ATAD2B: variants seen among roughly 807,000 people sequenced by gnomAD.
ATAD2B encodes the protein ATPase family AAA domain-containing protein 2B.
In ATAD2B, 40 loss-of-function variants were observed where a neutral mutation model predicts 167.6. The observed-to-expected ratio is 0.24, with a 90% CI of 0.19 to 0.31. The LOEUF is 0.31. ATAD2B is among the 10% of genes least tolerant of loss of function. The pLI, the probability that ATAD2B is intolerant of heterozygous loss-of-function variation, is 1.00. For missense variants in ATAD2B, 1,242 were observed against 1,757.2 expected, an observed-to-expected ratio of 0.71 and a Z score of 5.24; for synonymous variants, 579 against 596.5, an observed-to-expected ratio of 0.97 and a Z score of 0.43.
chr2:23,727,640 T>C, the ATAD2B span, among the ~76,000 whole-genome samples: 2 of 152,098 alleles, frequency 1.3e-5, no homozygotes, highest in Non-Finnish European at 2.9e-5. Context: ...TTATTCACAA[T>C]TGACAAAACT....
intron 20 of ATAD2B, among the ~76,000 whole-genome samples, chr2:23,786,651 G>T (rs563420534): frequency 6.6e-6 from 1 of 152,032 alleles, no homozygotes; most frequent in Non-Finnish European, 1.5e-5. Context: ...ATTATGCAGC[G>T]CATGACTATA....
In ATAD2B at chr2:23,875,829, C is replaced by A; in HGVS notation, c.977G>T (p.Arg326Met). The A allele has an allele frequency of 6.2e-7, 1 of 1,603,424 alleles. No individual in the cohort carries two copies. The highest frequency in any genetic ancestry group is 1.1e-5 in the South Asian group (1 of 89,352). Residue 326 changes from arginine (R) to methionine (M), a missense_variant and splice_region_variant, in exon 8 of 28, where the codon AGG becomes ATG. This residue lies in a region of ATAD2B where 127 missense variants were observed against 146.3 expected (regional missense o/e 0.87). Transcript: ENST00000238789. ...GTTTCCTTTCAAAAACAAACCTTAC[C>A]TAATATGGCTTCTTCTTGCTGGAGA... Reference protein sequence around the residue: ...HRSPARRSHIRRKKHAIHSSD... With the variant: ...HRSPARRSHIMRKKHAIHSSD...
At chr2:23,867,503 T>G (rs1397492478) in intron 10 of ATAD2B, among the ~76,000 whole-genome samples, 1 of 152,210 alleles carries the variant, frequency 6.6e-6, no homozygotes, top group Admixed American at 6.5e-5. Flanking sequence ...ATTCATTAAC[T>G]ATATCATAGC....
At chr2:23,886,411 G>T (rs951129224) in intron 4 of ATAD2B, among the ~76,000 whole-genome samples, 53 of 152,068 alleles carry the variant, frequency 3.5e-4, no homozygotes, top group Non-Finnish European at 5.1e-4. Flanking sequence ...ATGCCTCTAT[G>T]AATAATTATC....
the ATAD2B span, among the ~76,000 whole-genome samples, chr2:23,741,444 A>C: frequency 8.6e-5 from 13 of 152,012 alleles, no homozygotes; most frequent in South Asian, 4.2e-4. Context: ...CAAAAACAAG[A>C]AATGGGGAAA....
At chr2:23,768,016 A>G (rs1677709528) in intron 22 of ATAD2B, among the ~76,000 whole-genome samples, 1 of 152,186 alleles carries the variant, frequency 6.6e-6, no homozygotes, top group Non-Finnish European at 1.5e-5. Context: ...AAATATCCCA[A>G]TGGAGATACC....
At chr2:23,830,992 C>T (rs1688961791) in intron 14 of ATAD2B, among the ~76,000 whole-genome samples, 1 of 152,138 alleles carries the variant, frequency 6.6e-6, no homozygotes, top group Non-Finnish European at 1.5e-5. Context: ...CCTAATAATG[C>T]TCTTTCCCTA....
intron 13 of ATAD2B, among the ~76,000 whole-genome samples, chr2:23,847,379 C>A (rs1026519783): frequency 2.6e-5 from 4 of 152,098 alleles, no homozygotes; most frequent in African/African-American, 9.7e-5. Flanking sequence ...TTGGTACACA[C>A]CTGTAGCTCC....
chr2:23,812,848 CAAA>C (rs71402512), intron 17 of ATAD2B, among the ~76,000 whole-genome samples: 1 of 129,874 alleles, frequency 7.7e-6, no homozygotes. Flanking sequence ...GACTCAGTCT[CAAA>C]AAAAAAAAAA....
intron 19 of ATAD2B, among the ~76,000 whole-genome samples, chr2:23,796,844 T>C (rs768911881): frequency 6.6e-6 from 1 of 152,160 alleles, no homozygotes; most frequent in African/African-American, 2.4e-5. Flanking sequence ...CCACATGTTA[T>C]AGATGAAAAT....
Position 23,884,815 on chromosome 2 carries a change from C to G in ATAD2B, c.734G>C (p.Ser245Thr). The G allele has an allele frequency of 6.2e-7, 1 of 1,602,112 alleles. No individual in the cohort carries two copies. Among genetic ancestry groups the G allele is most frequent in the Non-Finnish European group, 8.5e-7 (1 of 1,173,986 alleles). ...KRRRKSLRRN[S>T]YGIQNHHEVS... The stretch of plus-strand genomic sequence containing the variant: ...TTCATGATGATTTTGTATCCCATAA[C>G]TATTTCTTCTTAGTGACTTTCTTCG... The change falls in exon 6 of 28, where the codon AGT becomes ACT. Residue 245 changes from serine to threonine, a missense_variant. Around this residue, in one of 9 missense-constraint regions of ATAD2B, gnomAD observed 99 missense variants for 160.4 expected, o/e 0.62. Coordinates refer to ENST00000238789, the MANE Select transcript of ATAD2B (RefSeq NM_017552.4).
chr2:23,686,509 C>T, the ATAD2B span, among the ~76,000 whole-genome samples: 2 of 152,036 alleles, frequency 1.3e-5, no homozygotes, highest in Admixed American at 6.5e-5. Context: ...TCTGACACCT[C>T]CGGGGGATGG....
At chr2:23,683,616 C>T in the ATAD2B span, among the ~76,000 whole-genome samples, 2 of 152,170 alleles carry the variant, frequency 1.3e-5, no homozygotes, top group African/African-American at 2.4e-5. Context: ...TCCAAGACAC[C>T]GGGCACAGGT....
intron 13 of ATAD2B, among the ~76,000 whole-genome samples, chr2:23,842,591 T>C (rs1691096885): frequency 6.6e-6 from 1 of 151,978 alleles, no homozygotes; most frequent in Non-Finnish European, 1.5e-5. Context: ...GGAGAGAGAA[T>C]ATGCAACAGG....
intron 16 of ATAD2B, among the ~76,000 whole-genome samples, chr2:23,820,826 G>A (rs567670196): frequency 6.6e-6 from 1 of 152,016 alleles, no homozygotes; most frequent in Non-Finnish European, 1.5e-5. Flanking sequence ...CAGGCGCCTC[G>A]TAGTCCCAGC....
intron 1 of ATAD2B, among the ~76,000 whole-genome samples, chr2:23,902,837 G>A (rs933920607): frequency 3.3e-5 from 5 of 152,114 alleles, no homozygotes; most frequent in Admixed American, 6.6e-5. Context: ...AGACCCAGGC[G>A]GTAGGATCCT....
chr2:23,709,831 A>G, the ATAD2B span, among the ~76,000 whole-genome samples: 1 of 152,250 alleles, frequency 6.6e-6, no homozygotes, highest in African/African-American at 2.4e-5. Flanking sequence ...ATAACTTGAG[A>G]TAAAAATCAA....
chr2:23,853,202 A>G (rs1200228390), intron 13 of ATAD2B, among the ~76,000 whole-genome samples: 2 of 152,242 alleles, frequency 1.3e-5, no homozygotes, highest in African/African-American at 4.8e-5. Context: ...GATTTCCATT[A>G]TCACCATTAC....
the ATAD2B span, among the ~76,000 whole-genome samples, chr2:23,688,531 G>A: frequency 2.6e-5 from 4 of 152,190 alleles, no homozygotes; most frequent in African/African-American, 9.7e-5. Flanking sequence ...AAACATTCTA[G>A]TAGTTGGGCC....
Sources: allele counts gnomAD v4.1 joint callset (sites outside exome capture counted in the v4.1 genomes callset), GRCh38; gene constraint gnomAD v4.1.1; regional missense constraint gnomAD v4.1.1; transcripts MANE v1.5; gene names NCBI Gene and HGNC (gene_info 2026-07-23, HGNC 2026-07-21).